ADAMTSL3: variants seen among roughly 807,000 people sequenced by gnomAD.
ADAMTSL3 encodes the protein ADAMTS like 3.
A neutral mutation model predicts 201.7 loss-of-function variants in ADAMTSL3; 128 were observed. That is an observed-to-expected ratio of 0.63 (90% CI 0.55 to 0.73). The LOEUF (loss-of-function observed/expected upper bound fraction) is 0.73, where lower values mean the gene tolerates loss of function less well. Ranked by LOEUF, ADAMTSL3 falls within the 30% of genes least tolerant of loss-of-function variation. ADAMTSL3 has a pLI of 0.00. For missense variants in ADAMTSL3, 1,990 were observed against 2,119.6 expected (o/e 0.94, Z 1.20); for synonymous variants, 738 against 748.4 (o/e 0.99, Z 0.23).
chr15:83,965,835 C>G lies in ADAMTSL3; in HGVS notation c.2491-4649C>G, dbSNP rs117321344. ...GAGTGGAAATTTTAACAAACAGTCTCTCAGACCACAGTGCAGTCAAATTAG... is the reference window on the plus strand; with the variant it reads ...GAGTGGAAATTTTAACAAACAGTCTGTCAGACCACAGTGCAGTCAAATTAG... On this transcript the variant is annotated intron_variant, in intron 19 of 29. Transcript: ENST00000286744. 8.4e-3 allele frequency among the ~76,000 whole-genome samples: 1,275 copies of G among 152,286 alleles called. 7 individuals carry two copies. Among genetic ancestry groups the G allele is most frequent in the Non-Finnish European group, 0.013 (912 of 68,020 alleles).
intron 4 of ADAMTSL3, among the ~76,000 whole-genome samples, chr15:83,790,393 G>A (rs1205954202): frequency 1.3e-5 from 2 of 151,252 alleles, no homozygotes. Flanking sequence ...ATAACCAAAT[G>A]GGGTTTATTA....
intron 8 of ADAMTSL3, among the ~76,000 whole-genome samples, chr15:83,864,272 C>T (rs1451635715): frequency 2.0e-5 from 3 of 152,196 alleles, no homozygotes; most frequent in Non-Finnish European, 4.4e-5. Context: ...ATGAGGCCAG[C>T]ATCATCCTGA....
intron 10 of ADAMTSL3, among the ~76,000 whole-genome samples, chr15:83,885,959 GGTGATCTACCT>G (rs1177237326): frequency 3.3e-5 from 5 of 152,054 alleles, no homozygotes; most frequent in African/African-American, 1.2e-4. Flanking sequence ...CCCAACCTCA[GGTGATCTACCT>G]ACCTTGGTCT....
At chr15:83,773,024 C>G (rs906425543) in intron 3 of ADAMTSL3, among the ~76,000 whole-genome samples, 1 of 152,032 alleles carries the variant, frequency 6.6e-6, no homozygotes, top group Admixed American at 6.6e-5. Context: ...AAAGCTATCT[C>G]GACAAAACCT....
chr15:83,843,877 A>T (rs1247864738), intron 7 of ADAMTSL3, among the ~76,000 whole-genome samples: 1 of 152,202 alleles, frequency 6.6e-6, no homozygotes. Context: ...CAACATACAG[A>T]TTTCCTGTTC....
At chr15:83,886,093 G>A (rs1008810078) in intron 10 of ADAMTSL3, among the ~76,000 whole-genome samples, 1 of 152,130 alleles carries the variant, frequency 6.6e-6, no homozygotes, top group African/African-American at 2.4e-5. Context: ...CCACACACAC[G>A]CTACAAAAGC....
At chr15:83,974,162 T>C (rs889148126) in intron 20 of ADAMTSL3, among the ~76,000 whole-genome samples, 1 of 152,234 alleles carries the variant, frequency 6.6e-6, no homozygotes, top group African/African-American at 2.4e-5. Flanking sequence ...ACACAAACCC[T>C]ACCTTCCCCA....
At chr15:83,790,681 A>G (rs2141823834) in intron 4 of ADAMTSL3, among the ~76,000 whole-genome samples, 1 of 152,240 alleles carries the variant, frequency 6.6e-6, no homozygotes, top group Non-Finnish European at 1.5e-5. Flanking sequence ...TGTCTGTCTC[A>G]CCACTCTTAC....
chr15:83,859,879 A>C (rs1419984434), intron 8 of ADAMTSL3, among the ~76,000 whole-genome samples: 1 of 152,170 alleles, frequency 6.6e-6, no homozygotes, highest in African/African-American at 2.4e-5. Context: ...TTTGTATAGG[A>C]TGGCTGGGTG....
At chr15:83,938,311 T>G (rs1197922247) in intron 17 of ADAMTSL3, among the ~76,000 whole-genome samples, 1 of 152,196 alleles carries the variant, frequency 6.6e-6, no homozygotes, top group Non-Finnish European at 1.5e-5. Context: ...GCTGGTCACA[T>G]CTAACTATAT....
intron 4 of ADAMTSL3, 120 bp downstream of exon 4, chr15:83,773,770 T>C: frequency 7.6e-7 from 1 of 1,323,356 alleles, no homozygotes; most frequent in Non-Finnish European, 1.0e-6. Context: ...TAACGTTTGC[T>C]TTGTCTAAAT....
intron 5 of ADAMTSL3, among the ~76,000 whole-genome samples, chr15:83,808,779 T>C (rs541954736): frequency 2.0e-5 from 3 of 152,214 alleles, no homozygotes; most frequent in Non-Finnish European, 4.4e-5. Context: ...ATATACACAA[T>C]GAAATACTAT....
chr15:83,878,555 A>C (rs1349921196), intron 9 of ADAMTSL3, among the ~76,000 whole-genome samples: 1 of 152,110 alleles, frequency 6.6e-6, no homozygotes, highest in African/African-American at 2.4e-5. Flanking sequence ...TAGAGGTTGC[A>C]GTGGGCCAAG....
At chr15:83,863,297 C>T (rs979708718) in intron 8 of ADAMTSL3, among the ~76,000 whole-genome samples, 1 of 152,172 alleles carries the variant, frequency 6.6e-6, no homozygotes, top group Non-Finnish European at 1.5e-5. Context: ...AACTCTCCAC[C>T]CCAAATCAAC....
Position 83,946,250 on chromosome 15 carries a change from C to T in ADAMTSL3, c.2490+3168C>T, listed in dbSNP as rs564981352. Among the ~76,000 whole-genome samples the T allele has an allele frequency of 5.3e-5, 8 of 152,290 alleles. No homozygotes were observed. The South Asian group carries it at 6.2e-4, about 12-fold the overall frequency. On this transcript the variant is annotated intron_variant, in intron 19 of 29. Coordinates refer to ENST00000286744, the MANE Select transcript of ADAMTSL3 (RefSeq NM_207517.3). ...TAGTGGTGACATCACCACTTTCCTCCGTGTCCGCTCTCTCAGTGAATAACT... is the reference window on the plus strand; with the variant it reads ...TAGTGGTGACATCACCACTTTCCTCTGTGTCCGCTCTCTCAGTGAATAACT...
chr15:83,783,419 A>G (rs1338501993), intron 4 of ADAMTSL3, among the ~76,000 whole-genome samples: 1 of 152,180 alleles, frequency 6.6e-6, no homozygotes, highest in African/African-American at 2.4e-5. Flanking sequence ...TATATTTTAC[A>G]TTAGATGTAA....
chr15:83,656,544 T>G (rs914404508), intron 2 of ADAMTSL3, among the ~76,000 whole-genome samples: 1 of 152,242 alleles, frequency 6.6e-6, no homozygotes, highest in East Asian at 1.9e-4. Context: ...TCATCTAGAC[T>G]TCTTACAAAA....
intron 3 of ADAMTSL3, among the ~76,000 whole-genome samples, chr15:83,755,373 C>G (rs1000724968): frequency 6.6e-6 from 1 of 152,050 alleles, no homozygotes; most frequent in Non-Finnish European, 1.5e-5. Context: ...ACTTTATTTC[C>G]TCTTGCAAAA....
chr15:83,961,747 T>TA (rs1339224555), intron 19 of ADAMTSL3: 4 of 152,068 alleles, frequency 2.6e-5, no homozygotes, highest in African/African-American at 9.7e-5. Flanking sequence ...CAAGATGAGA[T>TA]ACAGAGATGA....
Sources: allele counts gnomAD v4.1 joint callset (sites outside exome capture counted in the v4.1 genomes callset), GRCh38; gene constraint gnomAD v4.1.1; transcripts MANE v1.5; gene names NCBI Gene and HGNC (gene_info 2026-07-23, HGNC 2026-07-21).